Variants in RNF212 observed in about 807,000 individuals in gnomAD.
The protein encoded by RNF212 is probable E3 SUMO-protein ligase RNF212.
RNF212 carries 33 observed loss-of-function variants against 34.7 expected under a neutral mutation model. That is an observed-to-expected ratio of 0.95 (90% CI 0.72 to 1.27). The LOEUF (loss-of-function observed/expected upper bound fraction) is 1.27, where lower values mean the gene tolerates loss of function less well. Ranked by LOEUF, RNF212 falls within the 50% of genes most tolerant of loss-of-function variation. RNF212 has a pLI of 0.00. For synonymous variants in RNF212, 140 were observed against 136.1 expected, an observed-to-expected ratio of 1.03 and a Z score of -0.20; for missense variants, 377 against 362.2, an observed-to-expected ratio of 1.04 and a Z score of -0.33.
chr4:1,072,636 C>A lies in RNF212; in HGVS notation c.*238G>T. On this transcript the variant is annotated 3_prime_UTR_variant, in exon 10 of 10. Transcript: ENST00000433731. Reference sequence around the variant, plus strand: ...GTATGTGAAAAAAAAACTCCCTAAGCATGAGAACCTATAAAATAAAAGGGA... The same window carrying A: ...GTATGTGAAAAAAAAACTCCCTAAGAATGAGAACCTATAAAATAAAAGGGA... 2 of 1,100,202 alleles carry A rather than the reference C, an allele frequency of 1.8e-6. No individual in the cohort carries two copies. The highest frequency in any genetic ancestry group is 3.0e-5 in the South Asian group (1 of 32,828). 68.2% of individuals were successfully genotyped at this position (1,100,202 alleles called of 1,614,324 possible).
chr4:1,094,346 G>A (rs1577756734), intron 3 of RNF212, among the ~76,000 whole-genome samples: 1 of 152,334 alleles, frequency 6.6e-6, no homozygotes, highest in African/African-American at 2.4e-5. Flanking sequence ...AAGGAGGCCA[G>A]AAGTGCCACT....
At chr4:1,068,533 T>G (rs970867053), downstream of RNF212, among the ~76,000 whole-genome samples, 3 of 152,256 alleles carry the variant, frequency 2.0e-5, no homozygotes, top group Non-Finnish European at 4.4e-5. Flanking sequence ...TTACATCTAT[T>G]TGTTATAACT....
chr4:1,067,693 G>A (rs1295223086), downstream of RNF212, among the ~76,000 whole-genome samples: 3 of 152,000 alleles, frequency 2.0e-5, no homozygotes, highest in East Asian at 1.9e-4. Flanking sequence ...GGTGAACTCC[G>A]TCTCTACTAA....
chr4:1,072,864 T>A lies in RNF212; in HGVS notation c.*10A>T. 1 of 1,576,018 alleles carries A rather than the reference T, an allele frequency of 6.3e-7. No individual in the cohort carries two copies. Among genetic ancestry groups the A allele is most frequent in the Non-Finnish European group, 8.6e-7 (1 of 1,159,270 alleles). ...ACACTCAGAATCATTAATAGTCACA[T>A]AAATGCAAATCAAAATGACTTTTTC... On this transcript the variant is annotated 3_prime_UTR_variant, in exon 10 of 10. Coordinates refer to ENST00000433731, the MANE Select transcript of RNF212 (RefSeq NM_001131034.4).
intron 4 of RNF212, chr4:1,056,727 G>T: frequency 1.7e-6 from 1 of 591,994 alleles, no homozygotes. Flanking sequence ...CACAACTCTT[G>T]AGAACGTTTA....
At chr4:1,070,153 C>T (rs1253972449), downstream of RNF212, among the ~76,000 whole-genome samples, 261 of 71,632 alleles carry the variant, frequency 3.6e-3, no homozygotes, top group Admixed American at 5.9e-3. Context: ...CGTAGGACTG[C>T]GCTGTGTCAG....
chr4:1,087,894 AG>A (rs1369648251), intron 4 of RNF212, among the ~76,000 whole-genome samples: 1 of 152,010 alleles, frequency 6.6e-6, no homozygotes, highest in Non-Finnish European at 1.5e-5. Flanking sequence ...CATGATTGTA[AG>A]TTTCCTGAGG....
intron 3 of RNF212, among the ~76,000 whole-genome samples, chr4:1,060,180 G>A (rs529962814): frequency 6.6e-6 from 1 of 151,896 alleles, no homozygotes; most frequent in East Asian, 1.9e-4. Context: ...CAACAGAGAT[G>A]AAGAGACTGA....
chr4:1,082,905 A>C (rs75316958), intron 5 of RNF212, among the ~76,000 whole-genome samples: 2,491 of 152,320 alleles, frequency 0.016, 62 homozygotes, highest in African/African-American at 0.056. Context: ...GATTCCAGAC[A>C]ACTCTAAAAT....
downstream of RNF212, among the ~76,000 whole-genome samples, chr4:1,068,033 G>A (rs557402252): frequency 4.6e-4 from 70 of 151,902 alleles, no homozygotes; most frequent in African/African-American, 1.6e-3. Flanking sequence ...TGTGAAGATG[G>A]CAATTCTCCC....
intron 5 of RNF212, among the ~76,000 whole-genome samples, chr4:1,085,160 G>T (rs1340082370): frequency 6.6e-6 from 1 of 152,230 alleles, no homozygotes; most frequent in African/African-American, 2.4e-5. Context: ...ACTATTCAAC[G>T]CGTCTCGTAG....
chr4:1,084,726 C>CAA (rs34470931), intron 5 of RNF212, among the ~76,000 whole-genome samples: 118 of 60,356 alleles, frequency 2.0e-3, no homozygotes, highest in East Asian at 5.3e-3. Context: ...GACCCTGTCT[C>CAA]AAAAAAAAAA....
exon 4 of RNF212, chr4:1,058,362 G>T (rs780779702): frequency 1.0e-6 from 1 of 984,418 alleles, no homozygotes; most frequent in Non-Finnish European, 1.2e-6. Context: ...TTGTCAGGCC[G>T]GGATGCTCGG....
intron 2 of RNF212, among the ~76,000 whole-genome samples, chr4:1,099,289 T>C (rs1379067282): frequency 6.6e-6 from 1 of 152,102 alleles, no homozygotes; most frequent in African/African-American, 2.4e-5. Flanking sequence ...AAACAAAAAC[T>C]GAAAACACTA....
intron 3 of RNF212, 140 bp from the exon 4 acceptor site, chr4:1,090,978 G>A (rs941840057): frequency 6.6e-6 from 4 of 609,918 alleles, no homozygotes; most frequent in Non-Finnish European, 1.2e-5. Flanking sequence ...CCCCACAGAC[G>A]CCCATGGCCA....
intron 3 of RNF212, among the ~76,000 whole-genome samples, chr4:1,059,792 A>G (rs11247971): frequency 0.81 from 123,261 of 152,012 alleles, 50,688 homozygotes; most frequent in African/African-American, 0.94. Flanking sequence ...GCTCAATACT[A>G]TATGGTCAGT....
intron 3 of RNF212, among the ~76,000 whole-genome samples, chr4:1,065,353 A>G (rs1345635362): frequency 6.6e-6 from 1 of 152,252 alleles, no homozygotes; most frequent in African/African-American, 2.4e-5. Context: ...AAACATCTGC[A>G]GACCAAATAA....
At chr4:1,093,868 T>C in intron 3 of RNF212, 1 of 1,536,274 alleles carries the variant, frequency 6.5e-7, no homozygotes, top group Middle Eastern at 1.7e-4. Context: ...GGCATCCTGG[T>C]CTGGGTGCCC....
downstream of RNF212, among the ~76,000 whole-genome samples, chr4:1,070,108 C>T (rs1296436787): frequency 6.7e-6 from 1 of 149,774 alleles, no homozygotes; most frequent in Non-Finnish European, 1.5e-5. Context: ...TGTGCTGTGT[C>T]AGCGTGGACG....
Sources: allele counts gnomAD v4.1 joint callset (sites outside exome capture counted in the v4.1 genomes callset), GRCh38; gene constraint gnomAD v4.1.1; transcripts MANE v1.5; gene names NCBI Gene and HGNC (gene_info 2026-07-23, HGNC 2026-07-21).